MED12L: variants seen among roughly 807,000 people sequenced by gnomAD.
MED12L encodes mediator of RNA polymerase II transcription subunit 12-like protein.
MED12L carries 60 observed loss-of-function variants against 281.3 expected under a neutral mutation model. The observed-to-expected ratio is 0.21, with a 90% CI of 0.17 to 0.26. The LOEUF is 0.26. Ranked by LOEUF, MED12L falls within the 10% of genes least tolerant of loss-of-function variation. The pLI, the probability that MED12L is intolerant of heterozygous loss-of-function variation, is 1.00. For missense variants in MED12L, 2,146 were observed against 2,680.9 expected (o/e 0.80, Z 4.41); for synonymous variants, 974 against 987.2 (o/e 0.99, Z 0.25).
chr3:151,156,390 T>G, intron 6 of MED12L, 60 bp downstream of exon 6: 3 of 1,476,816 alleles, frequency 2.0e-6, no homozygotes, highest in Non-Finnish European at 2.7e-6. Context: ...AGCAAATTCC[T>G]TATAGTTTGG....
chr3:151,341,522 A>G (rs1186607930), intron 16 of MED12L, among the ~76,000 whole-genome samples: 1 of 151,836 alleles, frequency 6.6e-6, no homozygotes, highest in Non-Finnish European at 1.5e-5. Flanking sequence ...GGCAAAAAAT[A>G]TGTTAGGGGT....
rs767206824 is a variant in MED12L at position 151,185,333 on chromosome 3, G to A, written c.1498G>A (p.Ala500Thr). 5.6e-6 allele frequency: 9 copies of A among 1,613,662 alleles called. No individual in the cohort carries two copies. The highest frequency in any genetic ancestry group is 6.8e-6 in the Non-Finnish European group (8 of 1,179,808). ...ANQNKDNQEV[A>T]PNDEAVVTLL... ...ACCCCTCTCTGTTGGTCATTAGGTT[G>A]CGCCCAACGATGAAGCTGTGGTGAC... The change falls in exon 12 of 45, where the codon GCG (alanine) becomes ACG (threonine). Residue 500 changes from alanine (A) to threonine (T), a missense_variant. Transcript: ENST00000687756.
chr3:151,297,251 C>T (rs1384553980), intron 16 of MED12L, among the ~76,000 whole-genome samples: 1 of 152,146 alleles, frequency 6.6e-6, no homozygotes, highest in Non-Finnish European at 1.5e-5. Flanking sequence ...GATTTAATGA[C>T]GTGTTGTAGT....
chr3:151,255,013 A>G (rs1737561626), intron 16 of MED12L, among the ~76,000 whole-genome samples: 1 of 152,134 alleles, frequency 6.6e-6, no homozygotes, highest in Non-Finnish European at 1.5e-5. Context: ...TTTATATTAT[A>G]CTTAACAATA....
chr3:151,355,962 G>A lies in MED12L; in HGVS notation c.2584G>A (p.Ala862Thr). Residue 862 changes from alanine to threonine, a missense_variant, in exon 19 of 45, where the codon GCT becomes ACT. Transcript: ENST00000687756. Reference sequence around the variant, plus strand: ...AGGAACATCCTATCATCTCCCTTTGGCTCACCACATTCAGCTCATCTTTGA... The same window carrying A: ...AGGAACATCCTATCATCTCCCTTTGACTCACCACATTCAGCTCATCTTTGA... Reference protein sequence around the residue: ...ASGTSYHLPLAHHIQLIFDLM... With the variant: ...ASGTSYHLPLTHHIQLIFDLM... 1 of 1,613,944 alleles carries A rather than the reference G, an allele frequency of 6.2e-7. No individual in the cohort carries two copies.
chr3:151,331,875 C>A (rs1424339293), intron 16 of MED12L, among the ~76,000 whole-genome samples: 5 of 152,166 alleles, frequency 3.3e-5, no homozygotes, highest in Non-Finnish European at 5.9e-5. Flanking sequence ...TATCATGCAA[C>A]CCAAATCTGC....
At chr3:151,163,042 T>G (rs1235771005) in intron 8 of MED12L, among the ~76,000 whole-genome samples, 2 of 152,164 alleles carry the variant, frequency 1.3e-5, no homozygotes, top group African/African-American at 4.8e-5. Flanking sequence ...TAATCTATGT[T>G]TAGGAGGCAG....
intron 42 of MED12L, 150 bp downstream of exon 42, chr3:151,413,445 T>G: frequency 1.1e-6 from 1 of 939,548 alleles, no homozygotes; most frequent in Non-Finnish European, 1.6e-6. Context: ...TTGGTACAAT[T>G]TAGTTACAAC....
chr3:151,406,319 C>G (rs752906115), intron 39 of MED12L, among the ~76,000 whole-genome samples: 1 of 152,168 alleles, frequency 6.6e-6, no homozygotes, highest in Non-Finnish European at 1.5e-5. Flanking sequence ...ATTCTGTTCT[C>G]AACTAATTGA....
chr3:151,233,600 G>A (rs561240793), intron 16 of MED12L, among the ~76,000 whole-genome samples: 1 of 152,286 alleles, frequency 6.6e-6, no homozygotes, highest in African/African-American at 2.4e-5. Flanking sequence ...GGGCGTGGTG[G>A]CAGGTGTCTG....
chr3:151,430,225 C>CGA (rs1425087247), intron 43 of MED12L, 74 bp from the exon 44 acceptor site: 4 of 1,595,538 alleles, frequency 2.5e-6, no homozygotes, highest in Non-Finnish European at 2.6e-6. Flanking sequence ...ACTGGCCCTG[C>CGA]GAGTTAGTCT....
intron 5 of MED12L, among the ~76,000 whole-genome samples, chr3:151,130,103 C>T (rs1715155244): frequency 6.6e-6 from 1 of 152,140 alleles, no homozygotes; most frequent in Non-Finnish European, 1.5e-5. Context: ...TCCCCAGGAC[C>T]TGGATATCCA....
chr3:151,338,939 G>A, intron 16 of MED12L: 1 of 1,244,546 alleles, frequency 8.0e-7, no homozygotes, highest in Non-Finnish European at 1.2e-6. Context: ...AACTTTTTTG[G>A]ACACAGCCTC....
chr3:151,248,269 T>G (rs977589745), intron 16 of MED12L, among the ~76,000 whole-genome samples: 2 of 152,156 alleles, frequency 1.3e-5, no homozygotes, highest in African/African-American at 4.8e-5. Flanking sequence ...TTAATTCCTA[T>G]TTCTTTCCTT....
intron 16 of MED12L, chr3:151,213,617 T>A: frequency 6.2e-7 from 1 of 1,614,180 alleles, no homozygotes; most frequent in Non-Finnish European, 8.5e-7. Flanking sequence ...CTGAATATGT[T>A]GCGGCTAGAT....
At chr3:151,154,040 C>T (rs142789345) in intron 5 of MED12L, among the ~76,000 whole-genome samples, 2 of 152,128 alleles carry the variant, frequency 1.3e-5, no homozygotes, top group African/African-American at 2.4e-5. Context: ...GGCCACTGTC[C>T]GCTCATTGGT....
intron 14 of MED12L, among the ~76,000 whole-genome samples, chr3:151,192,067 G>T (rs1036031541): frequency 6.6e-5 from 10 of 152,166 alleles, no homozygotes; most frequent in African/African-American, 2.4e-4. Context: ...ATGGTGTCGG[G>T]TTAAAAATAT....
At chr3:151,373,670 A>G (rs1386486868) in intron 27 of MED12L, among the ~76,000 whole-genome samples, 1 of 152,052 alleles carries the variant, frequency 6.6e-6, no homozygotes, top group African/African-American at 2.4e-5. Context: ...CATATGGGTT[A>G]TAATATACTG....
chr3:151,378,291 G>T, intron 31 of MED12L, 118 bp downstream of exon 31: 2 of 1,049,632 alleles, frequency 1.9e-6, no homozygotes, highest in Admixed American at 3.4e-5. Context: ...GTTTTTAAAT[G>T]GAACTGGGAA....
Sources: gnomAD v4.1 joint callset for allele counts (sites outside exome capture counted in the v4.1 genomes callset) on GRCh38, gnomAD v4.1.1 for gene constraint, MANE v1.5 for transcripts, NCBI Gene and HGNC (gene_info 2026-07-23, HGNC 2026-07-21) for gene names.